GPC6: variants seen among roughly 807,000 people sequenced by gnomAD.
The protein encoded by GPC6 is glypican-6.
GPC6 carries 14 observed loss-of-function variants against 55.2 expected under a neutral mutation model. The observed-to-expected ratio is 0.25, with a 90% CI of 0.17 to 0.40. The LOEUF is 0.40. Among genes scored for constraint, GPC6 ranks in the 10% least tolerant of loss-of-function variants. The pLI is 1.00. For missense variants in GPC6, 641 were observed against 708.5 expected (o/e 0.90, Z 1.08); for synonymous variants, 278 against 259.6 (o/e 1.07, Z -0.68).
intron 3 of GPC6, among the ~76,000 whole-genome samples, chr13:93,922,741 C>T (rs986981498): frequency 6.6e-6 from 1 of 152,138 alleles, no homozygotes; most frequent in Non-Finnish European, 1.5e-5. Context: ...ACATATTTTC[C>T]CATGGAAAAG....
intron 2 of GPC6, among the ~76,000 whole-genome samples, chr13:93,740,639 C>T (rs2138848568): frequency 6.6e-6 from 1 of 152,278 alleles, no homozygotes; most frequent in South Asian, 2.1e-4. Context: ...ATAAAATCTC[C>T]TGATCATATT....
chr13:93,954,159 G>A (rs1879389395), intron 3 of GPC6, among the ~76,000 whole-genome samples: 4 of 152,034 alleles, frequency 2.6e-5, no homozygotes, highest in Admixed American at 2.0e-4. Context: ...CATGTAATAT[G>A]TGGCCTATTT....
At chr13:94,010,290 G>A (rs1301681860) in intron 3 of GPC6, among the ~76,000 whole-genome samples, 2 of 152,130 alleles carry the variant, frequency 1.3e-5, no homozygotes, top group Admixed American at 1.3e-4. Context: ...AATGTGATAA[G>A]TACATTTGAT....
chr13:94,358,439 C>CTA (rs1349569350), intron 6 of GPC6, among the ~76,000 whole-genome samples: 11 of 151,996 alleles, frequency 7.2e-5, no homozygotes, highest in Non-Finnish European at 1.5e-4. Flanking sequence ...AGAACCTGAC[C>CTA]TATAGGCTTA....
chr13:93,435,518 C>A (rs1877539355), intron 1 of GPC6, among the ~76,000 whole-genome samples: 2 of 151,452 alleles, frequency 1.3e-5, no homozygotes, highest in Non-Finnish European at 2.9e-5. Context: ...AATCAGATAT[C>A]ACAATGGTAG....
intron 4 of GPC6, among the ~76,000 whole-genome samples, chr13:94,281,412 C>G (rs1350753569): frequency 6.6e-6 from 1 of 152,060 alleles, no homozygotes; most frequent in African/African-American, 2.4e-5. Flanking sequence ...TGTGTTCTCC[C>G]TGAATATCAT....
chr13:93,324,937 A>G (rs548668154), intron 1 of GPC6, among the ~76,000 whole-genome samples: 84 of 152,102 alleles, frequency 5.5e-4, no homozygotes, highest in African/African-American at 1.9e-3. Context: ...AGTGTTTTTT[A>G]CTTTTTAAGA....
At chr13:93,378,762 G>A (rs751336586) in intron 1 of GPC6, among the ~76,000 whole-genome samples, 13 of 152,042 alleles carry the variant, frequency 8.6e-5, no homozygotes, top group African/African-American at 2.7e-4. Flanking sequence ...TTGGGAGGCC[G>A]CAGCGGGTGG....
At position 93,319,747 on chromosome 13, in the gene GPC6, A is replaced by C. The variant is rs372171117; in HGVS notation, c.160+92131A>C. On this transcript the variant is annotated intron_variant, in intron 1 of 8. Coordinates refer to ENST00000377047, the MANE Select transcript of GPC6 (RefSeq NM_005708.5). ...TGAGTGCATTGCCAAATTAATGAAA[A>C]ATGGGTAGAAACAAAATCGCAAAAT... 7.2e-5 allele frequency among the ~76,000 whole-genome samples: 11 copies of C among 152,254 alleles called. No homozygotes were observed. In the East Asian group the frequency reaches 1.4e-3, roughly 19 times the overall value.
intron 2 of GPC6, among the ~76,000 whole-genome samples, chr13:93,672,148 G>GTTTTTTTT (rs5805816): frequency 7.5e-6 from 1 of 134,118 alleles, no homozygotes. Context: ...TAAGTTCTGG[G>GTTTTTTTT]TTTTTTTTTT....
intron 1 of GPC6, among the ~76,000 whole-genome samples, chr13:93,504,681 A>T (rs1397646506): frequency 6.6e-6 from 1 of 152,020 alleles, no homozygotes. Flanking sequence ...TTGAGGTGAT[A>T]ATAATTATTC....
Position 93,336,266 on chromosome 13 carries a change from G to A in GPC6, c.160+108650G>A, listed in dbSNP as rs533650499. On this transcript the variant is annotated intron_variant, in intron 1 of 8. Coordinates refer to ENST00000377047, the MANE Select transcript of GPC6 (RefSeq NM_005708.5). ...AGTAAAAAGTTTTTGCAGATAATGT[G>A]TTTGACATACCATATTATTATATTG... 7.7e-4 allele frequency among the ~76,000 whole-genome samples: 117 copies of A among 152,260 alleles called. 1 individual carries two copies. Among genetic ancestry groups the A allele is most frequent in the African/African-American group, 2.7e-3 (111 of 41,562 alleles).
intron 2 of GPC6, among the ~76,000 whole-genome samples, chr13:93,651,482 T>G (rs1229369637): frequency 6.6e-6 from 1 of 152,182 alleles, no homozygotes; most frequent in Non-Finnish European, 1.5e-5. Flanking sequence ...TCTCCTTTGC[T>G]ACAAACTAGT....
Position 94,237,979 on chromosome 13 carries a change from G to A in GPC6, c.878-48370G>A, listed in dbSNP as rs1594086607. Among the ~76,000 whole-genome samples the A allele has an allele frequency of 2.6e-5, 4 of 152,158 alleles. No individual in the cohort carries two copies. In the East Asian group the frequency reaches 7.7e-4, roughly 29 times the overall value. On this transcript the variant is annotated intron_variant, in intron 4 of 8. Transcript: ENST00000377047. Reference sequence around the variant, plus strand: ...CTAAGGAGGTAATCATAGTGATGAAGAGAAGTGAACAGATGCAGGATAGTT... The same window carrying A: ...CTAAGGAGGTAATCATAGTGATGAAAAGAAGTGAACAGATGCAGGATAGTT...
intron 3 of GPC6, among the ~76,000 whole-genome samples, chr13:93,956,252 AT>A (rs1879503122): frequency 6.6e-6 from 1 of 152,082 alleles, no homozygotes; most frequent in African/African-American, 2.4e-5. Flanking sequence ...TCTTGTGACA[AT>A]TCTGCAAGCA....
chr13:94,282,936 A>G (rs1014454389), intron 4 of GPC6, among the ~76,000 whole-genome samples: 1 of 152,258 alleles, frequency 6.6e-6, no homozygotes, highest in African/African-American at 2.4e-5. Flanking sequence ...AGTGTCGAAG[A>G]TATTGCAGTC....
At chr13:94,173,714 A>C (rs2138933606) in intron 4 of GPC6, among the ~76,000 whole-genome samples, 1 of 152,180 alleles carries the variant, frequency 6.6e-6, no homozygotes, top group Admixed American at 6.5e-5. Context: ...CCAGTCACTT[A>C]TTTTTCTATT....
chr13:93,267,404 T>TA lies in GPC6; in HGVS notation c.160+39790dup, dbSNP rs1183114579. Among the ~76,000 whole-genome samples the TA allele has an allele frequency of 1.2e-4, 18 of 151,952 alleles. No individual in the cohort carries two copies. In the East Asian group the frequency reaches 2.9e-3, roughly 25 times the overall value. On this transcript the variant is annotated intron_variant, in intron 1 of 8. Coordinates refer to ENST00000377047, the MANE Select transcript of GPC6 (RefSeq NM_005708.5). The stretch of plus-strand genomic sequence containing the variant: ...TTCCACAGGAGAGGGTTTTTTTTTT[T>TA]AATTTACTATAGACTTTAATTCTTC...
At chr13:93,275,869 AT>A (rs933983049) in intron 1 of GPC6, among the ~76,000 whole-genome samples, 7 of 151,838 alleles carry the variant, frequency 4.6e-5, no homozygotes, top group African/African-American at 9.7e-5. Context: ...TAACAGGATA[AT>A]TTTTTTGTTT....
Sources: gnomAD v4.1 joint callset for allele counts (sites outside exome capture counted in the v4.1 genomes callset) on GRCh38, gnomAD v4.1.1 for gene constraint, MANE v1.5 for transcripts, NCBI Gene and HGNC (gene_info 2026-07-23, HGNC 2026-07-21) for gene names.